GABPB1: variants seen among roughly 807,000 people sequenced by gnomAD.
The protein encoded by GABPB1 is GA binding protein transcription factor subunit beta 1.
Under a neutral mutation model 45.9 loss-of-function variants are expected in GABPB1, and 15 were observed. The observed-to-expected ratio is 0.33, with a 90% CI of 0.22 to 0.50. The LOEUF is 0.50. Ranked by LOEUF, GABPB1 falls within the 20% of genes least tolerant of loss-of-function variation. GABPB1 has a pLI of 0.98. For synonymous variants in GABPB1, 143 were observed against 154.4 expected (o/e 0.93, Z 0.55); for missense variants, 252 against 457.5 (o/e 0.55, Z 4.10).
intron 1 of GABPB1, among the ~76,000 whole-genome samples, chr15:50,335,554 C>T (rs1338180114): frequency 6.6e-6 from 1 of 152,144 alleles, no homozygotes; most frequent in Non-Finnish European, 1.5e-5. Flanking sequence ...TTCAAAGCTA[C>T]TAAGGTAATG....
At chr15:50,282,236 C>A in intron 8 of GABPB1, 1 of 451,256 alleles carries the variant, frequency 2.2e-6, no homozygotes, top group Non-Finnish European at 4.4e-6. Context: ...TACATACATA[C>A]ATAAAAACAC....
Position 50,282,560 on chromosome 15 carries a change from GA to G in GABPB1, c.999+3507del, listed in dbSNP as rs552203074. ...CAAAGTGAGACCCTGCCTTAAAAAA[GA>G]AAAAAAAAAAAAAACAGAGACGGAT... On this transcript the variant is annotated intron_variant, in intron 8 of 8. Transcript: ENST00000380877. Among the ~76,000 whole-genome samples the G allele has an allele frequency of 5.4e-4, 48 of 89,014 alleles. 6 individuals carry two copies. Among genetic ancestry groups the G allele is most frequent in the Admixed American group, 1.3e-3 (9 of 7,024 alleles). 58.4% of individuals were successfully genotyped at this position (89,014 alleles called of 152,430 possible).
chr15:50,343,685 C>T (rs1426401876), intron 1 of GABPB1, among the ~76,000 whole-genome samples: 1 of 152,054 alleles, frequency 6.6e-6, no homozygotes, highest in African/African-American at 2.4e-5. Context: ...ACTACAGGCA[C>T]ACACCACCAC....
At chr15:50,309,844 C>A (rs1176060024) in intron 1 of GABPB1, 46 bp from the exon 2 acceptor site, 1 of 1,088,650 alleles carries the variant, frequency 9.2e-7, no homozygotes, top group South Asian at 1.3e-5. Flanking sequence ...TCCATTTATA[C>A]ACTATGACAT....
chr15:50,283,837 A>G (rs967831794), intron 8 of GABPB1, among the ~76,000 whole-genome samples: 16 of 152,178 alleles, frequency 1.1e-4, no homozygotes, highest in Admixed American at 8.5e-4. Context: ...CTTTATGGAC[A>G]GTCACTCTGG....
At chr15:50,312,223 C>CA (rs914146796) in intron 1 of GABPB1, among the ~76,000 whole-genome samples, 151 of 133,878 alleles carry the variant, frequency 1.1e-3, no homozygotes, top group African/African-American at 2.2e-3. Context: ...GACTCCATCT[C>CA]AAAAAAAAAA....
chr15:50,324,261 T>C (rs1302117551), intron 1 of GABPB1, among the ~76,000 whole-genome samples: 4 of 152,090 alleles, frequency 2.6e-5, no homozygotes, highest in Non-Finnish European at 4.4e-5. Context: ...AGGCCAACAG[T>C]AAGTGCTCAA....
At chr15:50,324,678 C>T (rs1279191635) in intron 1 of GABPB1, among the ~76,000 whole-genome samples, 1 of 151,374 alleles carries the variant, frequency 6.6e-6, no homozygotes, top group East Asian at 1.9e-4. Context: ...CCAAGTAGCT[C>T]GGATTACAGG....
intron 6 of GABPB1, among the ~76,000 whole-genome samples, chr15:50,297,889 T>C (rs897430287): frequency 3.9e-5 from 6 of 152,224 alleles, no homozygotes; most frequent in Non-Finnish European, 5.9e-5. Context: ...ATTGTGCTCA[T>C]AGAAGATTTT....
intron 1 of GABPB1, among the ~76,000 whole-genome samples, chr15:50,348,547 G>A (rs1321636477): frequency 2.0e-5 from 3 of 150,408 alleles, no homozygotes; most frequent in South Asian, 4.4e-4. Context: ...CACTGAGCCC[G>A]GCCATTTTTT....
chr15:50,282,814 G>T (rs111781716), intron 8 of GABPB1, among the ~76,000 whole-genome samples: 1 of 152,094 alleles, frequency 6.6e-6, no homozygotes, highest in Non-Finnish European at 1.5e-5. Flanking sequence ...CAGCACTCTG[G>T]GGGGCTGAAG....
intron 8 of GABPB1, among the ~76,000 whole-genome samples, chr15:50,282,628 T>C (rs1469359776): frequency 7.0e-6 from 1 of 143,812 alleles, no homozygotes; most frequent in Admixed American, 7.0e-5. Flanking sequence ...TCAGGAAAGA[T>C]AGCCATAAAA....
intron 1 of GABPB1, among the ~76,000 whole-genome samples, chr15:50,346,881 C>T (rs965699778): frequency 2.0e-5 from 3 of 151,680 alleles, no homozygotes; most frequent in East Asian, 1.9e-4. Context: ...TCCGCCCCCC[C>T]CAGGTTCAAG....
At chr15:50,352,982 T>C (rs539927743) in intron 1 of GABPB1, 11 of 152,338 alleles carry the variant, frequency 7.2e-5, no homozygotes, top group African/African-American at 2.6e-4. Flanking sequence ...AACTGTTCGT[T>C]TCACCAAAGG....
chr15:50,300,644 T>G, intron 6 of GABPB1, 145 bp downstream of exon 6: 1 of 556,628 alleles, frequency 1.8e-6, no homozygotes. Context: ...AGAGTTTCAC[T>G]ATGTTGTCCA....
intron 6 of GABPB1, among the ~76,000 whole-genome samples, chr15:50,297,163 G>A (rs1366382124): frequency 2.0e-5 from 3 of 150,708 alleles, no homozygotes; most frequent in East Asian, 2.0e-4. Context: ...CACCCACCTC[G>A]GCCTCCCAAA....
chr15:50,289,672 G>GAA lies in GABPB1; in HGVS notation c.698-6_698-5dup, dbSNP rs374196509. On this transcript the variant is annotated splice_polypyrimidine_tract_variant and splice_region_variant and intron_variant, in intron 6 of 8. Transcript: ENST00000380877. ...ACTACTTCTTCTGTGGCCACTACTG[G>GAA]AAAAAAAAAAAAGAAAACTCAGCAA... 207 of 1,245,184 alleles carry GAA rather than the reference G, an allele frequency of 1.7e-4. No homozygotes were observed. The highest frequency in any genetic ancestry group is 4.9e-4 in the South Asian group (33 of 68,030). 77.1% of individuals were successfully genotyped at this position (1,245,184 alleles called of 1,614,324 possible). A position where few individuals can be genotyped will look rare whatever the true frequency, so the allele number is the denominator to read the frequency against.
chr15:50,318,863 G>A (rs918532562), intron 1 of GABPB1, among the ~76,000 whole-genome samples: 2 of 152,190 alleles, frequency 1.3e-5, no homozygotes, highest in African/African-American at 4.8e-5. Flanking sequence ...CATGTCTCTT[G>A]TACAGTTTTT....
chr15:50,337,086 T>C (rs2048164643), intron 1 of GABPB1, among the ~76,000 whole-genome samples: 2 of 20,440 alleles, frequency 9.8e-5, no homozygotes, highest in African/African-American at 2.0e-4. Flanking sequence ...TATATATATA[T>C]ATATATATAT....
Sources: allele counts gnomAD v4.1 joint callset (sites outside exome capture counted in the v4.1 genomes callset), GRCh38; gene constraint gnomAD v4.1.1; transcripts MANE v1.5; gene names NCBI Gene and HGNC (gene_info 2026-07-23, HGNC 2026-07-21).